The following QARS1 variants were observed in gnomAD, a reference collection of about 807,000 sequenced individuals.
QARS1 encodes the protein glutamine--tRNA ligase.
QARS1 carries 79 observed loss-of-function variants against 106.9 expected under a neutral mutation model. That is an observed-to-expected ratio of 0.74 (90% CI 0.62 to 0.89). The LOEUF is 0.89. QARS1 is among the 40% of genes least tolerant of loss of function. QARS1 has a pLI of 0.00. For synonymous variants in QARS1, 395 were observed against 367.7 expected (o/e 1.07, Z -0.85); for missense variants, 966 against 997.2 (o/e 0.97, Z 0.42).
Position 49,100,003 on chromosome 3 carries a change from T to C in QARS1, c.1253A>G (p.Tyr418Cys), listed in dbSNP as rs772662033. 1.2e-6 allele frequency: 2 copies of C among 1,614,218 alleles called. No individual in the cohort carries two copies. The highest frequency in any genetic ancestry group is 2.2e-5 in the East Asian group (1 of 44,882). Residue 418 changes from tyrosine (Y) to cysteine (C), a missense_variant, in exon 14 of 24, where the codon TAT (tyrosine) becomes TGT (cysteine). Coordinates refer to ENST00000306125, the MANE Select transcript of QARS1 (RefSeq NM_005051.3). ...MEDGKMDPVA[Y>C]RVKYTPHHRT... ...GTGGTGTGGTGTATACTTGACTCGA[T>C]AGGCTACAGGGTCCATCTTGCCATC...
chr3:49,098,007 G>A lies in QARS1; in HGVS notation c.2262C>T (p.Asp754=), dbSNP rs765549972. The change falls in exon 23 of 24, where the codon GAC becomes GAT. Residue 754 remains aspartate (D), a synonymous_variant. Transcript: ENST00000306125. ...AGTCAAGCACCTTTCCCTGATGGCT[G>A]TCTGGATCCACGGAGAAATATCCAA... ...ERLGYFSVDP[D]SHQGKLVFNR... is the part of the protein sequence containing the mutation. 6 of 1,614,202 alleles carry A rather than the reference G, an allele frequency of 3.7e-6. No homozygotes were observed. The East Asian group carries it at 8.9e-5, about 24-fold the overall frequency.
intron 23 of QARS1, 53 bp from the exon 24 acceptor site, chr3:49,096,132 G>C (rs2042386786): frequency 1.3e-6 from 2 of 1,595,470 alleles, no homozygotes; most frequent in African/African-American, 2.7e-5. Flanking sequence ...GGCCAGGGAG[G>C]CCTGGGCAGG....
chr3:49,104,583 C>A, intron 1 of QARS1, 34 bp downstream of exon 1: 1 of 1,597,778 alleles, frequency 6.3e-7, no homozygotes, highest in Non-Finnish European at 8.6e-7. Context: ...GCAGCATGGT[C>A]TGCAAACCAG....
rs1404191418 is a variant in QARS1 at position 49,102,441 on chromosome 3, G to C, written c.548C>G (p.Ala183Gly). 3 of 1,614,012 alleles carry C rather than the reference G, an allele frequency of 1.9e-6. No individual in the cohort carries two copies. Among genetic ancestry groups the C allele is most frequent in the Non-Finnish European group, 2.5e-6 (3 of 1,180,026 alleles). The change falls in exon 6 of 24, where the codon GCT becomes GGT. Residue 183 changes from alanine to glycine, a missense_variant. Physicochemically the swap from Ala to Gly is moderately conservative, Grantham distance 60. Coordinates refer to ENST00000306125, the MANE Select transcript of QARS1 (RefSeq NM_005051.3). ...VLHLLGPKLE[A>G]DLEKKFKVAK... Reference sequence around the variant, plus strand: ...TACCTTGAACTTCTTCTCCAGATCAGCCTCCAACTTGGGGCCCAGAAGGTG... The same window carrying C: ...TACCTTGAACTTCTTCTCCAGATCACCCTCCAACTTGGGGCCCAGAAGGTG...
chr3:49,100,084 C>A lies in QARS1; in HGVS notation c.1172G>T (p.Arg391Leu). ...CTCGCCCTCTGAAAACTTGCCCTTGCGCATTGCCTGAGGGGAACAAGGACT... is the reference window on the plus strand; with the variant it reads ...CTCGCCCTCTGAAAACTTGCCCTTGAGCATTGCCTGAGGGGAACAAGGACT... ...EESLLLFEAM[R>L]KGKFSEGEAT... Residue 391 changes from arginine (R) to leucine (L), a missense_variant, in exon 14 of 24, where the codon CGC (arginine) becomes CTC (leucine). Arg to Leu is a moderately radical substitution (Grantham distance 102). Coordinates refer to ENST00000306125, the MANE Select transcript of QARS1 (RefSeq NM_005051.3). 1.2e-6 allele frequency: 2 copies of A among 1,614,222 alleles called. No homozygotes were observed. The highest frequency in any genetic ancestry group is 1.7e-6 in the Non-Finnish European group (2 of 1,180,040).
In QARS1 at chr3:49,099,634, A is replaced by AGTAGGAAGAGC. The variant is rs2107100555; in HGVS notation, c.1391_1401dup (p.Phe468AlafsTer40). The AGTAGGAAGAGC allele has an allele frequency of 6.2e-7, 1 of 1,614,184 alleles. No homozygotes were observed. Among genetic ancestry groups the AGTAGGAAGAGC allele is most frequent in the Non-Finnish European group, 8.5e-7 (1 of 1,180,020 alleles). ...ACGTCCAGTGCATTGCAAAGCCAGA[A>AGTAGGAAGAGC]GTAGGAAGAGCGTCTGGGGTGGGAG... On this transcript the variant is annotated frameshift_variant, in exon 16 of 24. Transcript: ENST00000306125. LOFTEE classifies it high-confidence loss of function.
At chr3:49,096,798 C>CAAAAAA (rs770587253) in intron 23 of QARS1, among the ~76,000 whole-genome samples, 430 of 14,140 alleles carry the variant, frequency 0.03, 137 homozygotes, top group South Asian at 0.13. Flanking sequence ...GACTCCGTCT[C>CAAAAAA]AAAAAAAAAA....
chr3:49,099,926 G>A (rs745709337), intron 14 of QARS1, 35 bp downstream of exon 14: 44 of 1,613,422 alleles, frequency 2.7e-5, no homozygotes, highest in East Asian at 6.7e-5. Context: ...CGCCCTGCTC[G>A]GCAGCCCCAC....
In QARS1 at chr3:49,103,771, C is replaced by T. The variant is rs1019041077; in HGVS notation, c.376-65G>A. 3 of 1,600,592 alleles carry T rather than the reference C, an allele frequency of 1.9e-6. No homozygotes were observed. The Admixed American group carries it at 5.0e-5, about 27-fold the overall frequency. On this transcript the variant is annotated intron_variant, in intron 3 of 23. Coordinates refer to ENST00000306125, the MANE Select transcript of QARS1 (RefSeq NM_005051.3). Reference sequence around the variant, plus strand: ...TTAGAGATATTCTGGGAACCCACACCCTCACTCTGGGTCTTCCTGAGGAGG... The same window carrying T: ...TTAGAGATATTCTGGGAACCCACACTCTCACTCTGGGTCTTCCTGAGGAGG...
At chr3:49,096,159 T>TC in intron 23 of QARS1, 80 bp from the exon 24 acceptor site, 4 of 1,432,676 alleles carry the variant, frequency 2.8e-6, no homozygotes, top group Non-Finnish European at 3.9e-6. Flanking sequence ...CACAGACACC[T>TC]CCCCCTAACA....
Position 49,098,498 on chromosome 3 carries a change from G to A in QARS1, c.1957-18C>T, listed in dbSNP as rs1376364091. 18 of 1,613,946 alleles carry A rather than the reference G, an allele frequency of 1.1e-5. No homozygotes were observed. The highest frequency in any genetic ancestry group is 3.3e-5 in the Admixed American group (2 of 60,002). Reference sequence around the variant, plus strand: ...CTGGGGCCCTGGAAGTGGGGGGAGGGGAGCAGCAATTAGACCCGGGAACCA... The same window carrying A: ...CTGGGGCCCTGGAAGTGGGGGGAGGAGAGCAGCAATTAGACCCGGGAACCA... On this transcript the variant is annotated intron_variant, in intron 20 of 23. Coordinates refer to ENST00000306125, the MANE Select transcript of QARS1 (RefSeq NM_005051.3).
intron 19 of QARS1, 31 bp downstream of exon 19, chr3:49,098,854 G>A (rs1406300133): frequency 6.3e-7 from 1 of 1,576,296 alleles, no homozygotes. Context: ...AGACTCAGCA[G>A]CAAACGGGAC....
In QARS1 at chr3:49,099,437, G is replaced by C. The variant is rs1454109423; in HGVS notation, c.1527-6C>G. 3 of 1,614,204 alleles carry C rather than the reference G, an allele frequency of 1.9e-6. No homozygotes were observed. Among genetic ancestry groups the C allele is most frequent in the Non-Finnish European group, 2.5e-6 (3 of 1,180,030 alleles). On this transcript the variant is annotated splice_region_variant and splice_polypyrimidine_tract_variant and intron_variant, in intron 16 of 23. Coordinates refer to ENST00000306125, the MANE Select transcript of QARS1 (RefSeq NM_005051.3). ...GCCGTGGGTCATCCCAGTCCCTGTG[G>C]ATAAGAAGGTGGTGAGAAGGCCTTT...
Position 49,103,718 on chromosome 3 carries a change from C to T in QARS1, c.376-12G>A, listed in dbSNP as rs774401823. 6.2e-7 allele frequency: 1 copy of T among 1,613,208 alleles called. No individual in the cohort carries two copies. The highest frequency in any genetic ancestry group is 2.2e-5 in the East Asian group (1 of 44,854). ...ATAGCAGCCTCCACCTGCAGAAAGC[C>T]AAACCATGTGGTTCAGGAAAGCCAC... On this transcript the variant is annotated splice_polypyrimidine_tract_variant and intron_variant, in intron 3 of 23. Transcript: ENST00000306125.
chr3:49,102,173 G>A, intron 7 of QARS1, 32 bp downstream of exon 7: 1 of 1,613,954 alleles, frequency 6.2e-7, no homozygotes, highest in Non-Finnish European at 8.5e-7. Flanking sequence ...TCAGGGAGCT[G>A]AATGCTGTGA....
Position 49,101,670 on chromosome 3 carries a change from G to C in QARS1, c.739C>G (p.Pro247Ala). 6.2e-7 allele frequency: 1 copy of C among 1,614,066 alleles called. No individual in the cohort carries two copies. Among genetic ancestry groups the C allele is most frequent in the Non-Finnish European group, 8.5e-7 (1 of 1,180,022 alleles). ...TGCTTTAGTAGATTCATGGTGTGTGGAGTGACCACATAGCCTGGGGTCTTG... is the reference window on the plus strand; with the variant it reads ...TGCTTTAGTAGATTCATGGTGTGTGCAGTGACCACATAGCCTGGGGTCTTG... ...NYKTPGYVVT[P>A]HTMNLLKQHL... The change falls in exon 9 of 24, where the codon CCA becomes GCA. Residue 247 changes from proline (P) to alanine (A), a missense_variant. Physicochemically the swap from Pro to Ala is conservative, Grantham distance 27 (BLOSUM62 -1). Transcript: ENST00000306125.
rs1575404644 is a variant in QARS1, at chr3:49,104,627, G to A, written c.107C>T (p.Ala36Val). The A allele has an allele frequency of 1.9e-5, 30 of 1,604,704 alleles. No individual in the cohort carries two copies. Among genetic ancestry groups the A allele is most frequent in the Non-Finnish European group, 2.6e-5 (30 of 1,173,092 alleles). The change falls in exon 1 of 24, where the codon GCC (alanine) becomes GTC (valine). Residue 36 changes from alanine to valine, a missense_variant. Transcript: ENST00000306125. Reference protein sequence around the residue: ...NSALSAQLREAATQAQQTLGS... With the variant: ...NSALSAQLREVATQAQQTLGS... ...CAGAGGGGCTCGCACCTGAGTAGCG[G>A]CCTCGCGCAGCTGCGCGCTCAGAGC...
chr3:49,103,530 T>G lies in QARS1; in HGVS notation c.451+101A>C. ...GAGCCTGAGCCCAGCCAGACCACTT[T>G]AAGTCACTCCTGTTCCTTCCCCCAC... On this transcript the variant is annotated intron_variant, in intron 4 of 23. Coordinates refer to ENST00000306125, the MANE Select transcript of QARS1 (RefSeq NM_005051.3). 1.9e-6 allele frequency: 3 copies of G among 1,563,606 alleles called. No homozygotes were observed. In the South Asian group the frequency reaches 3.4e-5, roughly 18 times the overall value.
Position 49,096,008 on chromosome 3 carries a change from G to C in QARS1, c.*21C>G. On this transcript the variant is annotated 3_prime_UTR_variant, in exon 24 of 24. Coordinates refer to ENST00000306125, the MANE Select transcript of QARS1 (RefSeq NM_005051.3). ...GTAGCCACACCCTCCAGGAGGATGA[G>C]GTAGGTTCAGTGCTTCCAGCTCACA... 6.2e-7 allele frequency: 1 copy of C among 1,612,734 alleles called. No homozygotes were observed. The highest frequency in any genetic ancestry group is 8.5e-7 in the Non-Finnish European group (1 of 1,179,160).
Sources: allele counts gnomAD v4.1 joint callset (sites outside exome capture counted in the v4.1 genomes callset), GRCh38; gene constraint gnomAD v4.1.1; transcripts MANE v1.5; gene names NCBI Gene and HGNC (gene_info 2026-07-23, HGNC 2026-07-21).